The following DUSP13B variants were observed in gnomAD, a reference collection of about 807,000 sequenced individuals.
DUSP13B encodes the protein dual specificity protein phosphatase 13B.
At chr10:75,096,265 C>CAAA in the DUSP13B span, among the ~76,000 whole-genome samples, 1 of 151,732 alleles carries the variant, frequency 6.6e-6, no homozygotes, top group Non-Finnish European at 1.5e-5. Context: ...AAAAAAACAA[C>CAAA]AACAACAACA....
chr10:75,095,598 C>A, the DUSP13B span: 22 of 1,614,090 alleles, frequency 1.4e-5, no homozygotes, highest in South Asian at 2.4e-4. Context: ...GAGGGCAGCT[C>A]GGATGTATCG....
At chr10:75,099,905 G>C in the DUSP13B span, among the ~76,000 whole-genome samples, 1 of 152,164 alleles carries the variant, frequency 6.6e-6, no homozygotes, top group Non-Finnish European at 1.5e-5. Context: ...CCGAGAATGA[G>C]AGAGGAGTGT....
At chr10:75,107,649 T>C in the DUSP13B span, among the ~76,000 whole-genome samples, 1 of 152,094 alleles carries the variant, frequency 6.6e-6, no homozygotes, top group Non-Finnish European at 1.5e-5. Context: ...TGATCTCGGC[T>C]CACTGCAACC....
At chr10:75,095,913 G>T in the DUSP13B span, 6 of 956,188 alleles carry the variant, frequency 6.3e-6, no homozygotes, top group Non-Finnish European at 9.6e-6. Flanking sequence ...AGAGACAAGA[G>T]CCTGCAAATT....
chr10:75,105,688 C>T, the DUSP13B span: 12 of 1,549,658 alleles, frequency 7.7e-6, no homozygotes, highest in East Asian at 4.9e-5. Context: ...GCCGGCACCC[C>T]GCAGTTGCTG....
At chr10:75,097,808 G>A in the DUSP13B span, 3 of 1,613,946 alleles carry the variant, frequency 1.9e-6, no homozygotes, top group Admixed American at 3.3e-5. Context: ...AGCCAATGTG[G>A]GCGGCTGGTA....
chr10:75,105,595 G>A, the DUSP13B span: 5 of 1,410,820 alleles, frequency 3.5e-6, no homozygotes, highest in Non-Finnish European at 4.9e-6. Context: ...TCCTATGTCT[G>A]CAGCCTAGGC....
At chr10:75,107,365 A>G in the DUSP13B span, among the ~76,000 whole-genome samples, 1 of 151,234 alleles carries the variant, frequency 6.6e-6, no homozygotes, top group Non-Finnish European at 1.5e-5. Context: ...AAAAAAGGAG[A>G]AAAAAAGTAC....
chr10:75,098,632 C>T, the DUSP13B span, among the ~76,000 whole-genome samples: 1 of 152,052 alleles, frequency 6.6e-6, no homozygotes, highest in South Asian at 2.1e-4. Context: ...TGTGGTGGTC[C>T]ACTCCTGTAG....
At chr10:75,094,909 C>A in the DUSP13B span, 29 of 1,605,260 alleles carry the variant, frequency 1.8e-5, no homozygotes, top group Non-Finnish European at 2.5e-5. Flanking sequence ...GCATCAGCTA[C>A]CTGCCCTTGA....
chr10:75,095,610 G>T, the DUSP13B span: 2 of 1,614,074 alleles, frequency 1.2e-6, no homozygotes, highest in Admixed American at 1.7e-5. Flanking sequence ...GATGTATCGA[G>T]CAACAGGCAG....
chr10:75,106,634 C>T, the DUSP13B span, among the ~76,000 whole-genome samples: 1 of 152,252 alleles, frequency 6.6e-6, no homozygotes, highest in African/African-American at 2.4e-5. Context: ...GAGCCCTCCA[C>T]ACTGGCCCAC....
chr10:75,107,482 C>T, the DUSP13B span, among the ~76,000 whole-genome samples: 2 of 152,184 alleles, frequency 1.3e-5, no homozygotes, highest in Non-Finnish European at 2.9e-5. Flanking sequence ...CTCAGGGTTG[C>T]TCCTAACTCA....
the DUSP13B span, among the ~76,000 whole-genome samples, chr10:75,101,422 C>T: frequency 3.1e-4 from 47 of 152,280 alleles, no homozygotes; most frequent in African/African-American, 9.1e-4. Context: ...AACTTCCCTA[C>T]GGGACAGTGA....
chr10:75,102,356 T>C, the DUSP13B span, among the ~76,000 whole-genome samples: 1 of 151,752 alleles, frequency 6.6e-6, no homozygotes, highest in Non-Finnish European at 1.5e-5. Flanking sequence ...GGCAGGAGAA[T>C]GGCGTGAACC....
At chr10:75,097,593 G>A in the DUSP13B span, 11 of 895,070 alleles carry the variant, frequency 1.2e-5, no homozygotes, top group Middle Eastern at 4.8e-4. Flanking sequence ...GGAAAGAGAC[G>A]GTGGGAGGCA....
At chr10:75,104,206 G>A in the DUSP13B span, 1 of 707,072 alleles carries the variant, frequency 1.4e-6, no homozygotes, top group Non-Finnish European at 2.1e-6. Flanking sequence ...CTTCTGCCTT[G>A]AGCCCTGTGC....
the DUSP13B span, among the ~76,000 whole-genome samples, chr10:75,105,407 C>T: frequency 6.6e-6 from 1 of 152,146 alleles, no homozygotes; most frequent in Non-Finnish European, 1.5e-5. Context: ...TCTGAAGGAT[C>T]CAGGTGGGGT....
At chr10:75,100,419 AC>A in the DUSP13B span, among the ~76,000 whole-genome samples, 8 of 151,340 alleles carry the variant, frequency 5.3e-5, no homozygotes, top group Non-Finnish European at 8.9e-5. Flanking sequence ...AGGCCCGGCC[AC>A]CCCCCCAGGG....
Sources: gnomAD v4.1 joint callset for allele counts (sites outside exome capture counted in the v4.1 genomes callset) on GRCh38, gnomAD v4.1.1 for gene constraint, MANE v1.5 for transcripts, NCBI Gene and HGNC (gene_info 2026-07-23, HGNC 2026-07-21) for gene names.